The following QKI variants were observed in gnomAD, a reference collection of about 807,000 sequenced individuals.
QKI encodes the protein QKI, KH domain containing RNA binding.
A neutral mutation model predicts 39.0 loss-of-function variants in QKI; 10 were observed. The observed-to-expected ratio is 0.26, with a 90% CI of 0.16 to 0.43. The LOEUF (loss-of-function observed/expected upper bound fraction) is 0.43. QKI is among the 20% of genes least tolerant of loss of function. QKI has a pLI of 1.00. For missense variants in QKI, 218 were observed against 428.0 expected, an observed-to-expected ratio of 0.51 and a Z score of 4.33; for synonymous variants, 204 against 155.4, an observed-to-expected ratio of 1.31 and a Z score of -2.33.
intron 3 of QKI, among the ~76,000 whole-genome samples, chr6:163,512,712 A>T (rs985241069): frequency 6.6e-6 from 1 of 152,140 alleles, no homozygotes; most frequent in Non-Finnish European, 1.5e-5. Context: ...TAAAGTGTAC[A>T]TGGTACATAT....
intron 4 of QKI, among the ~76,000 whole-genome samples, chr6:163,559,961 A>G (rs939322939): frequency 6.6e-6 from 1 of 152,222 alleles, no homozygotes; most frequent in African/African-American, 2.4e-5. Flanking sequence ...ATGATACATA[A>G]AAGTGGGGGG....
In QKI at chr6:163,424,756, C is replaced by G. The variant is rs931148009; in HGVS notation, c.142+9421C>G. Among the ~76,000 whole-genome samples, 6 of 151,798 alleles carry G rather than the reference C, an allele frequency of 4.0e-5. No homozygotes were observed. The South Asian group carries it at 1.2e-3, about 32-fold the overall frequency. The stretch of plus-strand genomic sequence containing the variant: ...AAGTGATTCTCCTGCCTCAGCCTCC[C>G]GAGTAGCTGGGATTACAGGCGTGCA... On this transcript the variant is annotated intron_variant, in intron 1 of 7. Transcript: ENST00000361752.
intron 1 of QKI, among the ~76,000 whole-genome samples, chr6:163,429,439 AT>A (rs1788664284): frequency 6.6e-6 from 1 of 152,136 alleles, no homozygotes; most frequent in Admixed American, 6.5e-5. Flanking sequence ...GCCATTTCAT[AT>A]TCTTTGCAAA....
rs1439130002 is a variant in QKI, at chr6:163,562,058, A to G, written c.623A>G (p.Asn208Ser). ...AILNGTYRDANIKSPALAFSL... is the reference protein window; with the variant it reads ...AILNGTYRDASIKSPALAFSL... ...CTGAATGGCACCTACAGAGATGCCA[A>G]CATTAAATCACGTAAGAATGAGCTC... is the stretch of plus-strand genomic sequence containing the variant. Residue 208 changes from asparagine to serine, a missense_variant, in exon 5 of 8, where the codon AAC becomes AGC. Physicochemically the swap from Asn to Ser is conservative, Grantham distance 46. Coordinates refer to ENST00000361752, the MANE Select transcript of QKI (RefSeq NM_006775.3). The G allele has an allele frequency of 6.2e-7, 1 of 1,611,916 alleles. No individual in the cohort carries two copies. Among genetic ancestry groups the G allele is most frequent in the Admixed American group, 1.7e-5 (1 of 59,478 alleles).
chr6:163,534,198 A>G (rs562386639), intron 3 of QKI, among the ~76,000 whole-genome samples: 7 of 152,358 alleles, frequency 4.6e-5, no homozygotes, highest in Admixed American at 2.0e-4. Flanking sequence ...GGTTTTCAAC[A>G]TGGGGATATT....
chr6:163,419,590 C>T (rs1000834642), intron 1 of QKI, among the ~76,000 whole-genome samples: 1 of 152,170 alleles, frequency 6.6e-6, no homozygotes, highest in African/African-American at 2.4e-5. Flanking sequence ...TATCTTTTCT[C>T]ACCCAGGAGG....
At chr6:163,516,627 TATGGTCTTTCAATA>T (rs1011388428) in intron 3 of QKI, among the ~76,000 whole-genome samples, 2 of 152,214 alleles carry the variant, frequency 1.3e-5, no homozygotes, top group African/African-American at 4.8e-5. Flanking sequence ...TGAGGGCTTT[TATGGTCTTTCAATA>T]TACCTTTAAT....
intron 2 of QKI, among the ~76,000 whole-genome samples, chr6:163,459,564 T>C (rs559658065): frequency 6.6e-6 from 1 of 152,288 alleles, no homozygotes; most frequent in East Asian, 1.9e-4. Context: ...GAAATAAATA[T>C]TTGCCGAAAA....
intron 3 of QKI, 35 bp from the exon 4 acceptor site, chr6:163,534,947 A>G: frequency 6.6e-7 from 1 of 1,519,986 alleles, no homozygotes; most frequent in Non-Finnish European, 8.9e-7. Context: ...CTTTAAAGAG[A>G]ATAATTTTAA....
At chr6:163,551,159 C>G (rs73023304) in intron 4 of QKI, among the ~76,000 whole-genome samples, 1 of 152,280 alleles carries the variant, frequency 6.6e-6, no homozygotes, top group Admixed American at 6.5e-5. Flanking sequence ...ACTATACTCT[C>G]ACAACACCGA....
At chr6:163,554,302 T>A (rs1418812292) in intron 4 of QKI, among the ~76,000 whole-genome samples, 1 of 152,130 alleles carries the variant, frequency 6.6e-6, no homozygotes, top group African/African-American at 2.4e-5. Flanking sequence ...CTCATCCAGC[T>A]CTTCAGGGTC....
chr6:163,557,818 T>TA (rs563335411), intron 4 of QKI, among the ~76,000 whole-genome samples: 7,359 of 142,350 alleles, frequency 0.052, 585 homozygotes, highest in African/African-American at 0.17. Context: ...CACAAAAACT[T>TA]AAAAAAAAAA....
intron 6 of QKI, 196 bp downstream of exon 6, chr6:163,563,915 G>C: frequency 7.1e-7 from 1 of 1,409,520 alleles, no homozygotes; most frequent in Non-Finnish European, 9.2e-7. Context: ...AATTTATTCA[G>C]ATCCACTTTG....
At chr6:163,420,261 T>C (rs886631768) in intron 1 of QKI, among the ~76,000 whole-genome samples, 24 of 151,138 alleles carry the variant, frequency 1.6e-4, no homozygotes, top group Admixed American at 1.5e-3. Context: ...TAGGAGCAAC[T>C]TTTTATAAAC....
intron 4 of QKI, among the ~76,000 whole-genome samples, chr6:163,547,459 A>G (rs1781952792): frequency 6.6e-6 from 1 of 152,206 alleles, no homozygotes; most frequent in Non-Finnish European, 1.5e-5. Flanking sequence ...TTCTGTAACC[A>G]TGCCTCCAGT....
At chr6:163,497,936 A>G (rs1264558864) in intron 3 of QKI, among the ~76,000 whole-genome samples, 2 of 152,040 alleles carry the variant, frequency 1.3e-5, no homozygotes, top group South Asian at 2.1e-4. Context: ...TTTTGTTACT[A>G]GCTATCATGG....
intron 3 of QKI, among the ~76,000 whole-genome samples, chr6:163,515,075 A>C (rs1263368774): frequency 6.6e-6 from 1 of 152,188 alleles, no homozygotes; most frequent in African/African-American, 2.4e-5. Flanking sequence ...AAAATGAACA[A>C]AGTGTGTGAA....
At chr6:163,569,657 A>G in intron 7 of QKI, 1 of 1,001,762 alleles carries the variant, frequency 1.0e-6, no homozygotes, top group Non-Finnish European at 1.2e-6. Context: ...TAATTTTTAA[A>G]GTTTTTTTGT....
At chr6:163,450,985 A>G (rs1007815252) in intron 1 of QKI, among the ~76,000 whole-genome samples, 2 of 152,200 alleles carry the variant, frequency 1.3e-5, no homozygotes, top group Non-Finnish European at 2.9e-5. Context: ...GGCCAAAGAA[A>G]TCTGTGCTCT....
Sources: gnomAD v4.1 joint callset for allele counts (sites outside exome capture counted in the v4.1 genomes callset) on GRCh38, gnomAD v4.1.1 for gene constraint, MANE v1.5 for transcripts, NCBI Gene and HGNC (gene_info 2026-07-23, HGNC 2026-07-21) for gene names.